The following DLGAP2 variants were observed in gnomAD, a reference collection of about 807,000 sequenced individuals.
DLGAP2 encodes DLG associated protein 2, also known as disks large-associated protein 2.
DLGAP2 carries 26 observed loss-of-function variants against 100.3 expected under a neutral mutation model. The observed-to-expected ratio is 0.26, with a 90% CI of 0.19 to 0.36. DLGAP2 has a LOEUF of 0.36. DLGAP2 is among the 10% of genes least tolerant of loss of function. The pLI is 1.00. For missense variants in DLGAP2, 1,858 were observed against 1,453.2 expected, an observed-to-expected ratio of 1.28 and a Z score of -4.53; for synonymous variants, 886 against 630.1, an observed-to-expected ratio of 1.41 and a Z score of -6.08.
chr8:1,461,136 G>A (rs1798459463), intron 3 of DLGAP2, among the ~76,000 whole-genome samples: 1 of 151,598 alleles, frequency 6.6e-6, no homozygotes, highest in Non-Finnish European at 1.5e-5. Context: ...TTCGTGGCCA[G>A]GAGGAGGGAG....
At chr8:1,327,418 A>G (rs916128696) in intron 3 of DLGAP2, among the ~76,000 whole-genome samples, 15 of 152,214 alleles carry the variant, frequency 9.9e-5, no homozygotes, top group Admixed American at 2.0e-4. Flanking sequence ...TCATCATTCC[A>G]TCTCTTCCTT....
intron 5 of DLGAP2, among the ~76,000 whole-genome samples, chr8:1,551,056 G>A (rs117175403): frequency 0.032 from 4,950 of 152,330 alleles, 138 homozygotes; most frequent in Middle Eastern, 0.085. Context: ...CAGTGGCACC[G>A]TCACCATCAG....
chr8:1,346,120 G>A (rs72507639), intron 3 of DLGAP2, among the ~76,000 whole-genome samples: 15,964 of 152,220 alleles, frequency 0.1, 1,181 homozygotes, highest in East Asian at 0.34. Context: ...GTGTCTGTGT[G>A]GAAGTCAAAA....
intron 1 of DLGAP2, among the ~76,000 whole-genome samples, chr8:851,524 C>G (rs984857922): frequency 6.6e-6 from 1 of 152,168 alleles, no homozygotes; most frequent in Admixed American, 6.6e-5. Flanking sequence ...ACTATTTGAT[C>G]ATTTCAGTAT....
intron 10 of DLGAP2, among the ~76,000 whole-genome samples, chr8:1,672,346 C>G (rs990810711): frequency 6.6e-6 from 1 of 152,032 alleles, no homozygotes; most frequent in Non-Finnish European, 1.5e-5. Flanking sequence ...ATTCTCCTGC[C>G]TCAGCCTCCC....
intron 2 of DLGAP2, among the ~76,000 whole-genome samples, chr8:971,996 A>G (rs1240855116): frequency 1.3e-5 from 2 of 152,188 alleles, no homozygotes; most frequent in African/African-American, 4.8e-5. Context: ...GGGCTCCTGT[A>G]TAATAACATG....
Position 1,683,954 on chromosome 8 carries a change from GTATATATATATATATATA to G in DLGAP2, c.2704+5342_2704+5359del, listed in dbSNP as rs59220880. Among the ~76,000 whole-genome samples the G allele has an allele frequency of 1.3e-3, 94 of 74,736 alleles. 2 individuals are homozygous for G. The highest frequency in any genetic ancestry group is 4.5e-3 in the African/African-American group (74 of 16,364). 49.0% of individuals were successfully genotyped at this position (74,736 alleles called of 152,430 possible). A position where few individuals can be genotyped will look rare whatever the true frequency, so the allele number is the denominator to read the frequency against. ...TATATATGTGTATATATATATGTGT[GTATATATATATATATATA>G]TATATATATATATATACTTTTTTTT... On this transcript the variant is annotated intron_variant, in intron 12 of 14. Transcript: ENST00000637795.
In DLGAP2 at chr8:936,028, C is replaced by T. The variant is rs146741126; in HGVS notation, c.73+28062C>T. The stretch of plus-strand genomic sequence containing the variant: ...CATTAAAATGACCGAGGACCCTGCC[C>T]AGTGGGACCCGTCTCCAACCTGCTG... On this transcript the variant is annotated intron_variant, in intron 2 of 14. Transcript: ENST00000637795. Among the ~76,000 whole-genome samples the T allele has an allele frequency of 2.4e-4, 36 of 152,300 alleles. 1 individual carries two copies. The highest frequency in any genetic ancestry group is 8.2e-4 in the African/African-American group (34 of 41,560).
At chr8:1,365,515 G>C (rs1353137677) in intron 3 of DLGAP2, among the ~76,000 whole-genome samples, 1 of 152,200 alleles carries the variant, frequency 6.6e-6, no homozygotes, top group Non-Finnish European at 1.5e-5. Flanking sequence ...CCCAGGTCCA[G>C]GATGGCAGGT....
chr8:1,077,282 A>G (rs1352419568), intron 2 of DLGAP2, among the ~76,000 whole-genome samples: 1 of 152,102 alleles, frequency 6.6e-6, no homozygotes, highest in Non-Finnish European at 1.5e-5. Context: ...TTCTAAACGC[A>G]ACCATGTTGG....
At chr8:1,615,679 C>G (rs1404502751) in intron 6 of DLGAP2, among the ~76,000 whole-genome samples, 1 of 151,186 alleles carries the variant, frequency 6.6e-6, no homozygotes, top group African/African-American at 2.4e-5. Context: ...TTAGAACTCA[C>G]CGGAAAGATC....
intron 12 of DLGAP2, chr8:1,678,939 T>G (rs1798877825): frequency 3.2e-6 from 1 of 315,082 alleles, no homozygotes; most frequent in East Asian, 5.1e-5. Context: ...TTCTCTTGAA[T>G]TTTGGCAAAA....
chr8:1,435,909 G>A (rs192195987), intron 3 of DLGAP2, among the ~76,000 whole-genome samples: 1 of 152,204 alleles, frequency 6.6e-6, no homozygotes, highest in East Asian at 1.9e-4. Context: ...ATTAAAAATA[G>A]TAAAAGGGTT....
intron 2 of DLGAP2, among the ~76,000 whole-genome samples, chr8:1,157,847 G>C (rs1326078482): frequency 2.0e-5 from 3 of 152,212 alleles, no homozygotes; most frequent in Non-Finnish European, 4.4e-5. Flanking sequence ...TGAGCACAAA[G>C]CATGTCCCAG....
At chr8:1,205,069 G>GTGGT (rs1288900572) in intron 2 of DLGAP2, among the ~76,000 whole-genome samples, 2 of 152,218 alleles carry the variant, frequency 1.3e-5, no homozygotes, top group African/African-American at 4.8e-5. Flanking sequence ...GAACCGGAAT[G>GTGGT]TGGTTGGGTT....
At chr8:1,596,683 G>A (rs7827679) in intron 6 of DLGAP2, among the ~76,000 whole-genome samples, 63,771 of 152,020 alleles carry the variant, frequency 0.42, 13,418 homozygotes, top group Non-Finnish European at 0.43. Context: ...TCTGAGAAAT[G>A]CCTGTTCATA....
chr8:1,620,187 G>A (rs544338411), intron 6 of DLGAP2, among the ~76,000 whole-genome samples: 1 of 152,188 alleles, frequency 6.6e-6, no homozygotes, highest in South Asian at 2.1e-4. Context: ...CATATCCACT[G>A]AAACTGTCCT....
rs1488473408 is a variant in DLGAP2, at chr8:1,587,515, A to G, written c.1442+21621A>G. On this transcript the variant is annotated intron_variant, in intron 6 of 14. Coordinates refer to ENST00000637795, the MANE Select transcript of DLGAP2 (RefSeq NM_001346810.2). ...AAAGTATATTTACTAATAAAAGTAT[A>G]TAAGGCTATGAATGTTTCTAAGAAT... Among the ~76,000 whole-genome samples the G allele has an allele frequency of 2.0e-5, 3 of 152,230 alleles. No individual in the cohort carries two copies. In the East Asian group the frequency reaches 5.8e-4, roughly 29 times the overall value.
intron 3 of DLGAP2, among the ~76,000 whole-genome samples, chr8:1,372,085 G>A (rs748120926): frequency 2.0e-5 from 3 of 152,248 alleles, no homozygotes; most frequent in Non-Finnish European, 4.4e-5. Context: ...CCAGGTGATG[G>A]GGTGGGCAGC....
Sources: allele counts gnomAD v4.1 joint callset (sites outside exome capture counted in the v4.1 genomes callset), GRCh38; gene constraint gnomAD v4.1.1; transcripts MANE v1.5; gene names NCBI Gene and HGNC (gene_info 2026-07-23, HGNC 2026-07-21).